Variants in SLC43A2 observed in about 807,000 individuals in gnomAD.
SLC43A2 encodes solute carrier family 43 member 2.
In SLC43A2, 38 loss-of-function variants were observed where a neutral mutation model predicts 63.2. The observed-to-expected ratio is 0.60, with a 90% CI of 0.46 to 0.79. SLC43A2 has a LOEUF of 0.79. Among genes scored for constraint, SLC43A2 ranks in the 30% least tolerant of loss-of-function variants. SLC43A2 has a pLI of 0.00. For missense variants in SLC43A2, 644 were observed against 756.2 expected, an observed-to-expected ratio of 0.85 and a Z score of 1.74; for synonymous variants, 322 against 331.0, an observed-to-expected ratio of 0.97 and a Z score of 0.30.
chr17:1,621,411 G>T (rs1908144457), intron 2 of SLC43A2, among the ~76,000 whole-genome samples: 1 of 152,166 alleles, frequency 6.6e-6, no homozygotes, highest in South Asian at 2.1e-4. Context: ...CCCACCGATG[G>T]CCCCTGCCCA....
intron 5 of SLC43A2, among the ~76,000 whole-genome samples, chr17:1,594,396 C>G (rs1905086905): frequency 6.6e-6 from 1 of 152,166 alleles, no homozygotes; most frequent in South Asian, 2.1e-4. Flanking sequence ...GTTCTCTAAC[C>G]TCAAGAGACA....
At chr17:1,623,529 C>A (rs945254081) in intron 2 of SLC43A2, among the ~76,000 whole-genome samples, 2 of 152,148 alleles carry the variant, frequency 1.3e-5, no homozygotes, top group East Asian at 3.9e-4. Flanking sequence ...CTGGCTTCCT[C>A]CTGTCTTGGG....
At chr17:1,584,981 A>T (rs1448974570) in intron 10 of SLC43A2, among the ~76,000 whole-genome samples, 2 of 152,104 alleles carry the variant, frequency 1.3e-5, no homozygotes, top group African/African-American at 4.8e-5. Context: ...TCACTACTCA[A>T]ACTGACCGGA....
Position 1,606,724 on chromosome 17 carries a change from C to T in SLC43A2, c.501+6471G>A, listed in dbSNP as rs1045194803. 6.6e-5 allele frequency among the ~76,000 whole-genome samples: 10 copies of T among 152,188 alleles called. No individual in the cohort carries two copies. Among genetic ancestry groups the T allele is most frequent in the East Asian group, 1.9e-4 (1 of 5,190 alleles). On this transcript the variant is annotated intron_variant, in intron 5 of 13. Coordinates refer to ENST00000301335, the MANE Select transcript of SLC43A2 (RefSeq NM_152346.3). The surrounding 1 kb of genome is among the most constrained non-coding windows in gnomAD (Gnocchi z 4.7). ...CACTGAGCGTGCCGTCCAGATGTCC[C>T]GGGGGAGGCTGAGGATCCACACCGT...
chr17:1,587,651 C>G (rs1412510955), intron 9 of SLC43A2, among the ~76,000 whole-genome samples: 1 of 152,124 alleles, frequency 6.6e-6, no homozygotes, highest in Non-Finnish European at 1.5e-5. Context: ...TGGCTCTGAC[C>G]TTGAACAAGC....
Position 1,606,708 on chromosome 17 carries a change from T to G in SLC43A2, c.501+6487A>C, listed in dbSNP as rs1410371690. On this transcript the variant is annotated intron_variant, in intron 5 of 13. Transcript: ENST00000301335. The surrounding 1 kb of genome is among the most constrained non-coding windows in gnomAD (Gnocchi z 4.7). Reference sequence around the variant, plus strand: ...CGAGGCACTGAACAAACACTGAGCGTGCCGTCCAGATGTCCCGGGGGAGGC... The same window carrying G: ...CGAGGCACTGAACAAACACTGAGCGGGCCGTCCAGATGTCCCGGGGGAGGC... Among the ~76,000 whole-genome samples the G allele has an allele frequency of 6.6e-6, 1 of 152,202 alleles. No individual in the cohort carries two copies. Among genetic ancestry groups the G allele is most frequent in the Non-Finnish European group, 1.5e-5 (1 of 68,024 alleles).
chr17:1,601,066 GTGTTTGTT>G (rs60232078), intron 5 of SLC43A2, among the ~76,000 whole-genome samples: 290 of 150,390 alleles, frequency 1.9e-3, no homozygotes, highest in Non-Finnish European at 2.8e-3. Context: ...CAGTTTGGTG[GTGTTTGTT>G]TGTTTGTTTG....
chr17:1,619,391 T>C (rs1031971408), intron 2 of SLC43A2, among the ~76,000 whole-genome samples: 2 of 152,072 alleles, frequency 1.3e-5, no homozygotes, highest in African/African-American at 2.4e-5. Context: ...CAGAACCACG[T>C]TGAATCGAGG....
rs1482796054 is a variant in SLC43A2 at position 1,614,928 on chromosome 17, G to C, written c.424+51C>G. On this transcript the variant is annotated intron_variant, in intron 4 of 13. Transcript: ENST00000301335. The stretch of plus-strand genomic sequence containing the variant: ...AGCAGGTGGGCCTGGGAGCAGCTCA[G>C]GGCACTCTCTCCCCGGTCCCTGACA... 2.5e-6 allele frequency: 4 copies of C among 1,594,856 alleles called. No homozygotes were observed. The African/African-American group carries it at 4.0e-5, about 16-fold the overall frequency.
intron 5 of SLC43A2, among the ~76,000 whole-genome samples, chr17:1,600,715 A>G (rs2151058742): frequency 6.6e-6 from 1 of 151,238 alleles, no homozygotes; most frequent in South Asian, 2.1e-4. Flanking sequence ...CTGCTATGAC[A>G]TCCAGGTAAT....
chr17:1,590,958 G>A lies in SLC43A2; in HGVS notation c.932-10C>T, dbSNP rs1240329789. 3 of 1,549,136 alleles carry A rather than the reference G, an allele frequency of 1.9e-6. No individual in the cohort carries two copies. Among genetic ancestry groups the A allele is most frequent in the African/African-American group, 1.4e-5 (1 of 73,044 alleles). On this transcript the variant is annotated splice_polypyrimidine_tract_variant and intron_variant, in intron 8 of 13. Transcript: ENST00000301335. ...ATGAAGGAGGGGGCCACTGCAGGGA[G>A]AGGGTGCGGGGCTCAGGGCCGGGGC...
chr17:1,588,345 C>G (rs1189073027), intron 9 of SLC43A2, among the ~76,000 whole-genome samples: 1 of 151,546 alleles, frequency 6.6e-6, no homozygotes, highest in Non-Finnish European at 1.5e-5. Context: ...GAGCTCATGC[C>G]ACTGTGCTCC....
Position 1,613,247 on chromosome 17 carries a change from G to T in SLC43A2, c.449C>A (p.Ala150Asp), listed in dbSNP as rs1907290546. Residue 150 changes from alanine to aspartate, a missense_variant, in exon 5 of 14, where the codon GCC becomes GAC. Physicochemically the swap from Ala to Asp is moderately radical, Grantham distance 126 (BLOSUM62 -2). Coordinates refer to ENST00000301335, the MANE Select transcript of SLC43A2 (RefSeq NM_152346.3). Reference protein sequence around the residue: ...PNALSVLIFIALALNGFGGMC... With the variant: ...PNALSVLIFIDLALNGFGGMC... Reference sequence around the variant, plus strand: ...CCCACCAAAGCCATTCAGAGCCAGGGCGATGAAGATGAGCACGGAGAGAGC... The same window carrying T: ...CCCACCAAAGCCATTCAGAGCCAGGTCGATGAAGATGAGCACGGAGAGAGC... 1.2e-6 allele frequency: 2 copies of T among 1,614,150 alleles called. No individual in the cohort carries two copies.
In SLC43A2 at chr17:1,575,404, C is replaced by T. The variant is rs529653899; in HGVS notation, c.*200G>A. On this transcript the variant is annotated 3_prime_UTR_variant, in exon 14 of 14. Transcript: ENST00000301335. ...GCAAAGTCAGGGCAGCCCCTGCGTT[C>T]GGCAGGAGAAAACGCGCGTGTCCGG... is the stretch of plus-strand genomic sequence containing the variant. 78 of 674,526 alleles carry T rather than the reference C, an allele frequency of 1.2e-4. No individual in the cohort carries two copies. Among genetic ancestry groups the T allele is most frequent in the Non-Finnish European group, 1.5e-4 (60 of 406,792 alleles). The allele number at this position is 674,526 out of a possible 1,614,324, so 41.8% of individuals were successfully genotyped here. A position where few individuals can be genotyped will look rare whatever the true frequency, so the allele number is the denominator to read the frequency against.
upstream of SLC43A2, among the ~76,000 whole-genome samples, chr17:1,630,026 G>C (rs1359366064): frequency 6.6e-6 from 1 of 152,158 alleles, no homozygotes; most frequent in Non-Finnish European, 1.5e-5. Flanking sequence ...GGCCACTTGG[G>C]GACAGGAGTT....
At chr17:1,575,852 GAGA>G (rs1257357968) in intron 13 of SLC43A2, 87 bp from the exon 14 acceptor site, 4 of 1,447,382 alleles carry the variant, frequency 2.8e-6, no homozygotes, top group Admixed American at 2.3e-5. Flanking sequence ...TGGGAAAGGG[GAGA>G]AGGTCACGGG....
intron 9 of SLC43A2, among the ~76,000 whole-genome samples, chr17:1,589,561 C>CA: frequency 6.6e-6 from 1 of 152,006 alleles, no homozygotes; most frequent in East Asian, 1.9e-4. Flanking sequence ...GACCCTGCCT[C>CA]AAAAAAACAA....
intron 4 of SLC43A2, among the ~76,000 whole-genome samples, chr17:1,614,620 G>A (rs4790712): frequency 0.5 from 75,532 of 151,802 alleles, 20,666 homozygotes; most frequent in Non-Finnish European, 0.63. Context: ...TCATGCTTTG[G>A]CCTGTGCTGC....
Position 1,627,868 on chromosome 17 carries a change from G to A in SLC43A2, c.7C>T (p.Pro3Ser), listed in dbSNP as rs1198470944. The A allele has an allele frequency of 2.6e-6, 4 of 1,565,116 alleles. No homozygotes were observed. The Admixed American group carries it at 7.6e-5, about 30-fold the overall frequency. The change falls in exon 2 of 14, where the codon CCC (proline) becomes TCC (serine). Residue 3 changes from proline to serine, a missense_variant. Pro to Ser is a moderately conservative substitution (Grantham distance 74). Transcript: ENST00000301335. MA[P>S]TLATAHRRRW... ...CGCCGATGGGCAGTGGCCAGGGTGG[G>A]CGCCATGGTGCGGCGCGGCGCGGCT...
Sources: allele counts gnomAD v4.1 joint callset (sites outside exome capture counted in the v4.1 genomes callset), GRCh38; gene constraint gnomAD v4.1.1; non-coding constraint Gnocchi (gnomAD v3.1); transcripts MANE v1.5; gene names NCBI Gene and HGNC (gene_info 2026-07-23, HGNC 2026-07-21).